The following ADGRL3 variants were observed in gnomAD, a reference collection of about 807,000 sequenced individuals.
ADGRL3 encodes calcium-independent alpha-latrotoxin receptor 3.
Under a neutral mutation model 153.5 loss-of-function variants are expected in ADGRL3, and 62 were observed. The observed-to-expected ratio is 0.40, with a 90% CI of 0.33 to 0.50. The LOEUF is 0.50. Among genes scored for constraint, ADGRL3 ranks in the 20% least tolerant of loss-of-function variants. The probability of loss-of-function intolerance (pLI) is 0.47; values close to 1 mark genes in which losing one functional copy is unlikely to be tolerated. For missense variants in ADGRL3, 1,641 were observed against 1,859.4 expected (o/e 0.88, Z 2.16); for synonymous variants, 710 against 672.5 (o/e 1.06, Z -0.86).
At chr4:61,380,106 T>C (rs551130965) in intron 1 of ADGRL3, among the ~76,000 whole-genome samples, 41 of 152,104 alleles carry the variant, frequency 2.7e-4, no homozygotes, top group Non-Finnish European at 4.6e-4. Context: ...TACATATATC[T>C]ATTACACATA....
At chr4:61,484,740 A>C (rs982522861) in intron 2 of ADGRL3, among the ~76,000 whole-genome samples, 7 of 152,172 alleles carry the variant, frequency 4.6e-5, no homozygotes, top group African/African-American at 1.7e-4. Context: ...AATTAGGTAT[A>C]ATTATGAAGA....
chr4:61,504,733 T>A (rs1466808751), intron 3 of ADGRL3, among the ~76,000 whole-genome samples: 1 of 152,180 alleles, frequency 6.6e-6, no homozygotes, highest in African/African-American at 2.4e-5. Flanking sequence ...TTTTTATTTC[T>A]CATATATTAC....
At chr4:61,331,374 A>G (rs1157000375) in intron 1 of ADGRL3, among the ~76,000 whole-genome samples, 1 of 152,130 alleles carries the variant, frequency 6.6e-6, no homozygotes, top group African/African-American at 2.4e-5. Context: ...TGGGATGTCA[A>G]TATTTTTCAC....
chr4:61,784,847 C>T (rs1163584538), intron 8 of ADGRL3, among the ~76,000 whole-genome samples: 1 of 151,986 alleles, frequency 6.6e-6, no homozygotes, highest in African/African-American at 2.4e-5. Flanking sequence ...AGTCTAATTG[C>T]CTGGGTTCAA....
intron 8 of ADGRL3, among the ~76,000 whole-genome samples, chr4:61,813,076 G>C (rs1170476122): frequency 6.6e-6 from 1 of 152,164 alleles, no homozygotes; most frequent in Non-Finnish European, 1.5e-5. Context: ...ACTGAGGTAG[G>C]TGCAGAAATT....
intron 4 of ADGRL3, among the ~76,000 whole-genome samples, chr4:61,523,440 CT>C (rs1207614813): frequency 6.6e-6 from 1 of 152,044 alleles, no homozygotes; most frequent in Non-Finnish European, 1.5e-5. Flanking sequence ...GTAAAATCCC[CT>C]GTTCACATTT....
At chr4:62,036,061 T>C (rs536963790) in intron 23 of ADGRL3, among the ~76,000 whole-genome samples, 18 of 152,222 alleles carry the variant, frequency 1.2e-4, no homozygotes, top group African/African-American at 4.3e-4. Context: ...TGGACTGACT[T>C]GTAAACACTA....
At chr4:61,295,586 G>C (rs560904913) in intron 1 of ADGRL3, among the ~76,000 whole-genome samples, 3 of 152,118 alleles carry the variant, frequency 2.0e-5, no homozygotes, top group South Asian at 4.1e-4. Flanking sequence ...TTATGATTTA[G>C]TTAAATATAT....
intron 6 of ADGRL3, among the ~76,000 whole-genome samples, chr4:61,720,053 C>T (rs1158985993): frequency 6.6e-6 from 1 of 150,514 alleles, no homozygotes; most frequent in Non-Finnish European, 1.5e-5. Context: ...ATAGATGACT[C>T]TGAGAAGAGA....
intron 1 of ADGRL3, among the ~76,000 whole-genome samples, chr4:61,233,464 A>T (rs1264779676): frequency 2.6e-5 from 4 of 152,172 alleles, no homozygotes; most frequent in Non-Finnish European, 5.9e-5. Context: ...GAAGAAAAGC[A>T]GTATGAGGGG....
intron 13 of ADGRL3, among the ~76,000 whole-genome samples, chr4:61,928,516 A>G (rs2098804055): frequency 6.6e-6 from 1 of 152,176 alleles, no homozygotes; most frequent in African/African-American, 2.4e-5. Flanking sequence ...TTCTTCTCTA[A>G]CCTCATTCAA....
At chr4:61,259,630 A>G (rs1027110889) in intron 1 of ADGRL3, among the ~76,000 whole-genome samples, 3 of 152,098 alleles carry the variant, frequency 2.0e-5, no homozygotes, top group South Asian at 2.1e-4. Flanking sequence ...CAGCACGTCC[A>G]TATGCTCGCC....
At chr4:61,216,006 A>G (rs1303650711) in intron 1 of ADGRL3, among the ~76,000 whole-genome samples, 1 of 152,100 alleles carries the variant, frequency 6.6e-6, no homozygotes, top group Non-Finnish European at 1.5e-5. Context: ...CTTTTTCCCT[A>G]AAATATCCAT....
chr4:61,741,270 T>C (rs2096577805), intron 8 of ADGRL3, among the ~76,000 whole-genome samples: 1 of 152,222 alleles, frequency 6.6e-6, no homozygotes, highest in Admixed American at 6.5e-5. Flanking sequence ...AAACTTGTCC[T>C]CAGCCTAGGG....
chr4:61,898,528 G>A (rs896721806), intron 11 of ADGRL3, among the ~76,000 whole-genome samples: 1 of 152,112 alleles, frequency 6.6e-6, no homozygotes, highest in African/African-American at 2.4e-5. Context: ...AGGAGATGGT[G>A]TCTGATTTAT....
intron 14 of ADGRL3, among the ~76,000 whole-genome samples, chr4:61,935,384 C>G (rs1028007065): frequency 2.0e-5 from 3 of 151,978 alleles, no homozygotes; most frequent in Non-Finnish European, 4.4e-5. Context: ...ATGAGAGTAT[C>G]TTTGAATTCA....
intron 5 of ADGRL3, among the ~76,000 whole-genome samples, chr4:61,623,499 G>A (rs1162642164): frequency 1.3e-5 from 2 of 152,050 alleles, no homozygotes; most frequent in Admixed American, 1.3e-4. Flanking sequence ...TGTGAAGTTT[G>A]AATTTTAGGA....
At chr4:61,957,545 T>TTATGTATG (rs1170391921) in intron 17 of ADGRL3, among the ~76,000 whole-genome samples, 1 of 122,826 alleles carries the variant, frequency 8.1e-6, no homozygotes, top group African/African-American at 2.8e-5. Flanking sequence ...TTGGTTACAT[T>TTATGTATG]TATGTATTTA....
At chr4:61,953,641 G>A (rs1476572003) in intron 17 of ADGRL3, among the ~76,000 whole-genome samples, 1 of 152,132 alleles carries the variant, frequency 6.6e-6, no homozygotes, top group Non-Finnish European at 1.5e-5. Context: ...TGGAGATAGG[G>A]AAGAAGGACA....
Sources: allele counts gnomAD v4.1 joint callset (sites outside exome capture counted in the v4.1 genomes callset), GRCh38; gene constraint gnomAD v4.1.1; transcripts MANE v1.5; gene names NCBI Gene and HGNC (gene_info 2026-07-23, HGNC 2026-07-21).